The following ABTB3 variants were observed in gnomAD, a reference collection of about 807,000 sequenced individuals.
ABTB3 encodes the protein ankyrin repeat- and BTB/POZ domain-containing protein 3.
the ABTB3 span, among the ~76,000 whole-genome samples, chr12:107,447,422 T>A: frequency 7.9e-5 from 12 of 152,124 alleles, no homozygotes; most frequent in Non-Finnish European, 1.5e-4. Flanking sequence ...GATTACAGGC[T>A]TGAGCTACCT....
the ABTB3 span, among the ~76,000 whole-genome samples, chr12:107,653,190 G>A: frequency 5.3e-5 from 8 of 152,276 alleles, no homozygotes; most frequent in South Asian, 1.0e-3. Context: ...GACAGTGCAC[G>A]TGAATGACGC....
the ABTB3 span, among the ~76,000 whole-genome samples, chr12:107,513,737 G>A: frequency 1.4e-4 from 21 of 152,184 alleles, no homozygotes; most frequent in Admixed American, 1.4e-3. Context: ...ATGTCAGGGT[G>A]TTCTATTTGC....
chr12:107,322,571 A>G, the ABTB3 span, among the ~76,000 whole-genome samples: 1 of 152,204 alleles, frequency 6.6e-6, no homozygotes, highest in Admixed American at 6.5e-5. Flanking sequence ...AGCATCATTT[A>G]TTTATTCATT....
chr12:107,471,127 A>G, the ABTB3 span, among the ~76,000 whole-genome samples: 1 of 152,234 alleles, frequency 6.6e-6, no homozygotes, highest in African/African-American at 2.4e-5. Context: ...ACACTTTCAG[A>G]ATAACAAACC....
At chr12:107,539,029 T>C in the ABTB3 span, among the ~76,000 whole-genome samples, 1 of 152,240 alleles carries the variant, frequency 6.6e-6, no homozygotes, top group African/African-American at 2.4e-5. Flanking sequence ...AGTCACAGCC[T>C]GCCACTTGCT....
the ABTB3 span, among the ~76,000 whole-genome samples, chr12:107,540,100 A>G: frequency 1.6e-3 from 249 of 152,292 alleles, 7 homozygotes; most frequent in East Asian, 0.041. Flanking sequence ...GTGCTGCTCT[A>G]ACAAAACTCC....
At chr12:107,586,952 C>T in the ABTB3 span, among the ~76,000 whole-genome samples, 111 of 152,250 alleles carry the variant, frequency 7.3e-4, no homozygotes, top group Non-Finnish European at 1.4e-3. Context: ...ACAAATGTAT[C>T]AGGTGGAGAA....
the ABTB3 span, among the ~76,000 whole-genome samples, chr12:107,639,476 G>A: frequency 6.6e-6 from 1 of 152,118 alleles, no homozygotes; most frequent in Non-Finnish European, 1.5e-5. Flanking sequence ...AGAAAGAGAG[G>A]ATGTGGCCCA....
chr12:107,553,209 C>G, the ABTB3 span, among the ~76,000 whole-genome samples: 1 of 152,188 alleles, frequency 6.6e-6, no homozygotes, highest in Non-Finnish European at 1.5e-5. Context: ...CTCCCTTAAT[C>G]CAGATTGATC....
the ABTB3 span, among the ~76,000 whole-genome samples, chr12:107,616,936 C>G: frequency 6.6e-6 from 1 of 152,190 alleles, no homozygotes; most frequent in Non-Finnish European, 1.5e-5. Flanking sequence ...AGTTCATCCT[C>G]CAGGGTACAG....
chr12:107,412,062 T>G, the ABTB3 span, among the ~76,000 whole-genome samples: 3 of 152,144 alleles, frequency 2.0e-5, no homozygotes, highest in Admixed American at 1.3e-4. Flanking sequence ...GCAGTGCTGT[T>G]TAGGAATGGT....
At chr12:107,326,422 A>G in the ABTB3 span, among the ~76,000 whole-genome samples, 2 of 152,232 alleles carry the variant, frequency 1.3e-5, no homozygotes, top group Non-Finnish European at 2.9e-5. Context: ...GCCAGTAGGT[A>G]GAGGGAGACA....
the ABTB3 span, among the ~76,000 whole-genome samples, chr12:107,425,294 C>T: frequency 6.6e-6 from 1 of 152,288 alleles, no homozygotes; most frequent in East Asian, 1.9e-4. Flanking sequence ...CAAGAATCAC[C>T]TCCTCTATTA....
the ABTB3 span, among the ~76,000 whole-genome samples, chr12:107,536,963 T>G: frequency 1.3e-5 from 2 of 152,128 alleles, no homozygotes; most frequent in African/African-American, 4.8e-5. Flanking sequence ...AAAACCAAGA[T>G]GTGGATCAAC....
the ABTB3 span, among the ~76,000 whole-genome samples, chr12:107,460,240 G>A: frequency 2.0e-5 from 3 of 152,248 alleles, no homozygotes; most frequent in African/African-American, 7.2e-5. Flanking sequence ...CAGCTGTGTG[G>A]CTTTAGGCAA....
the ABTB3 span, among the ~76,000 whole-genome samples, chr12:107,432,967 G>A: frequency 2.0e-5 from 3 of 152,112 alleles, no homozygotes; most frequent in Non-Finnish European, 4.4e-5. Context: ...TCTTCTTCAC[G>A]GCAGGGCAGG....
At chr12:107,433,809 G>T in the ABTB3 span, among the ~76,000 whole-genome samples, 1 of 152,218 alleles carries the variant, frequency 6.6e-6, no homozygotes, top group African/African-American at 2.4e-5. Context: ...CCATTGACTA[G>T]GTGGCTTATA....
the ABTB3 span, among the ~76,000 whole-genome samples, chr12:107,479,925 G>C: frequency 3.0e-4 from 46 of 152,136 alleles, no homozygotes; most frequent in African/African-American, 1.1e-3. Context: ...TCCAGGACTT[G>C]GTCCAGGATA....
chr12:107,501,397 A>AC, the ABTB3 span, among the ~76,000 whole-genome samples: 5 of 65,060 alleles, frequency 7.7e-5, no homozygotes, highest in Non-Finnish European at 1.4e-4. Flanking sequence ...AAAAAAAAAA[A>AC]ACAAGAAAAC....
Sources: allele counts gnomAD v4.1 joint callset (sites outside exome capture counted in the v4.1 genomes callset), GRCh38; gene constraint gnomAD v4.1.1; transcripts MANE v1.5; gene names NCBI Gene and HGNC (gene_info 2026-07-23, HGNC 2026-07-21).